Variants in ANK2 observed in about 807,000 individuals in gnomAD.
The protein encoded by ANK2 is ankyrin-2.
Under a neutral mutation model 360.5 loss-of-function variants are expected in ANK2, and 83 were observed. That is an observed-to-expected ratio of 0.23 (90% CI 0.19 to 0.28). The LOEUF is 0.28. Among genes scored for constraint, ANK2 ranks in the 10% least tolerant of loss-of-function variants. The pLI is 1.00. For missense variants in ANK2, 4,201 were observed against 4,795.7 expected, an observed-to-expected ratio of 0.88 and a Z score of 3.66; for synonymous variants, 1,740 against 1,759.5, an observed-to-expected ratio of 0.99 and a Z score of 0.28.
chr4:113,287,021 A>G (rs2064997691), intron 18 of ANK2, among the ~76,000 whole-genome samples: 1 of 152,176 alleles, frequency 6.6e-6, no homozygotes, highest in African/African-American at 2.4e-5. Flanking sequence ...TATATACCAA[A>G]CATGTTGCAT....
chr4:112,957,355 A>C (rs540350977), intron 2 of ANK2, among the ~76,000 whole-genome samples: 3,174 of 152,312 alleles, frequency 0.021, 45 homozygotes, highest in Middle Eastern at 0.031. Context: ...CAACAGGATC[A>C]CAAGGCAGAA....
At chr4:113,278,586 G>C (rs2153701442) in intron 17 of ANK2, 28 bp downstream of exon 17, 7 of 1,597,782 alleles carry the variant, frequency 4.4e-6, no homozygotes, top group Non-Finnish European at 6.0e-6. Flanking sequence ...GGATTTACAG[G>C]CATAGGGTGT....
chr4:112,904,463 T>G (rs1235344922), exon 2 of ANK2: 2 of 1,478,452 alleles, frequency 1.4e-6, no homozygotes, highest in Non-Finnish European at 1.8e-6. Flanking sequence ...AGGTAAGTAA[T>G]GAAAAGAGAC....
upstream of ANK2, among the ~76,000 whole-genome samples, chr4:112,815,242 A>G (rs1222886979): frequency 6.6e-6 from 1 of 152,186 alleles, no homozygotes; most frequent in East Asian, 1.9e-4. Context: ...TTTAGCAACT[A>G]TATTTCAGAT....
At chr4:113,326,054 C>CGATG (rs2089648789) in intron 26 of ANK2, among the ~76,000 whole-genome samples, 1 of 152,206 alleles carries the variant, frequency 6.6e-6, no homozygotes, top group Admixed American at 6.6e-5. Flanking sequence ...CAGTCAACTC[C>CGATG]AGTATGTGAA....
intron 1 of ANK2, among the ~76,000 whole-genome samples, chr4:113,061,541 T>G (rs1423472230): frequency 2.0e-5 from 3 of 152,114 alleles, no homozygotes; most frequent in African/African-American, 7.2e-5. Context: ...GTTGCTTATA[T>G]AACAACATCA....
chr4:113,177,365 C>A (rs2098256162), intron 2 of ANK2, among the ~76,000 whole-genome samples: 1 of 152,212 alleles, frequency 6.6e-6, no homozygotes, highest in African/African-American at 2.4e-5. Flanking sequence ...CAGGCGTGAG[C>A]CACCGCGCCC....
At chr4:112,999,835 A>G (rs956118057) in intron 2 of ANK2, among the ~76,000 whole-genome samples, 2 of 152,170 alleles carry the variant, frequency 1.3e-5, no homozygotes, top group African/African-American at 4.8e-5. Context: ...TGATATATAG[A>G]ATGTCTTAGA....
chr4:113,178,055 G>C (rs1989930), intron 2 of ANK2, among the ~76,000 whole-genome samples: 45,957 of 151,980 alleles, frequency 0.3, 7,507 homozygotes, highest in African/African-American at 0.42. Context: ...ATATGAGGTT[G>C]ATTCTCTTCA....
intron 22 of ANK2, among the ~76,000 whole-genome samples, chr4:113,297,108 A>T (rs959651597): frequency 6.6e-6 from 1 of 152,128 alleles, no homozygotes; most frequent in African/African-American, 2.4e-5. Flanking sequence ...GAGTTGTCTA[A>T]TGGGTACAAA....
intron 37 of ANK2, among the ~76,000 whole-genome samples, chr4:113,352,760 C>A (rs562177166): frequency 6.6e-6 from 1 of 151,190 alleles, no homozygotes; most frequent in African/African-American, 2.4e-5. Context: ...TGTGTATGTG[C>A]GTCTTGTTTT....
chr4:113,349,542 C>T (rs2095254883), intron 36 of ANK2, among the ~76,000 whole-genome samples: 2 of 151,978 alleles, frequency 1.3e-5, no homozygotes, highest in Non-Finnish European at 2.9e-5. Context: ...TGTCCTGCCG[C>T]ACATAGCCAT....
At position 113,381,846 on chromosome 4, in the gene ANK2, T is replaced by A; in HGVS notation, c.*375T>A. The A allele has an allele frequency of 2.3e-6, 1 of 432,628 alleles. No individual in the cohort carries two copies. Among genetic ancestry groups the A allele is most frequent in the South Asian group, 2.0e-5 (1 of 49,572 alleles). The allele number at this position is 432,628 out of a possible 1,614,324, so 26.8% of individuals were successfully genotyped here. ...TGACCAAAGATGGCATCCTTCATAC[T>A]GGATGCTGTATCCAATACTTTGTTG... On this transcript the variant is annotated 3_prime_UTR_variant, in exon 46 of 46. Transcript: ENST00000357077.
chr4:113,183,326 G>A (rs1043229605), intron 2 of ANK2, among the ~76,000 whole-genome samples: 3 of 152,102 alleles, frequency 2.0e-5, no homozygotes, highest in Non-Finnish European at 4.4e-5. Flanking sequence ...CAGCATGAAG[G>A]GTCTGCTTGA....
chr4:112,710,571 G>A, the ANK2 span, among the ~76,000 whole-genome samples: 4 of 151,902 alleles, frequency 2.6e-5, no homozygotes, highest in Admixed American at 6.6e-5. Context: ...GGTGGCGGGC[G>A]CCTGCAATCC....
At chr4:113,333,755 C>A (rs1341783168) in intron 29 of ANK2, among the ~76,000 whole-genome samples, 1 of 151,994 alleles carries the variant, frequency 6.6e-6, no homozygotes, top group Non-Finnish European at 1.5e-5. Context: ...AATTTCCTAC[C>A]TATAATTCAA....
At chr4:112,925,780 G>C (rs1361819031) in intron 2 of ANK2, among the ~76,000 whole-genome samples, 1 of 152,202 alleles carries the variant, frequency 6.6e-6, no homozygotes, top group African/African-American at 2.4e-5. Flanking sequence ...AGCATGAAAT[G>C]AGTTTTTTTC....
rs540289863 is a variant in ANK2, at chr4:112,968,100, G to A, written c.21+63586G>A. On this transcript the variant is annotated intron_variant, in intron 2 of 30. Transcript: ENST00000503271. ...ATCATGGAATGTGTAACTTTCAGAAGCATTGAACTTTTTTTCAATTGCTTA... is the reference window on the plus strand; with the variant it reads ...ATCATGGAATGTGTAACTTTCAGAAACATTGAACTTTTTTTCAATTGCTTA... Among the ~76,000 whole-genome samples, 32 of 152,192 alleles carry A rather than the reference G, an allele frequency of 2.1e-4. 1 individual carries two copies. The South Asian group carries it at 4.3e-3, about 21-fold the overall frequency.
chr4:112,891,562 A>C (rs1043964721), intron 1 of ANK2, among the ~76,000 whole-genome samples: 10 of 152,200 alleles, frequency 6.6e-5, no homozygotes, highest in African/African-American at 2.2e-4. Context: ...TAGTAGTTAG[A>C]AGTAGCAGCT....
Sources: gnomAD v4.1 joint callset for allele counts (sites outside exome capture counted in the v4.1 genomes callset) on GRCh38, gnomAD v4.1.1 for gene constraint, MANE v1.5 for transcripts, NCBI Gene and HGNC (gene_info 2026-07-23, HGNC 2026-07-21) for gene names.